GARIN3: variants seen among roughly 807,000 people sequenced by gnomAD.
GARIN3 encodes golgi associated RAB2 interactor family member 3.
the GARIN3 span, chr5:157,162,159 A>T: frequency 2.3e-6 from 1 of 432,032 alleles, no homozygotes; most frequent in Non-Finnish European, 4.1e-6. Flanking sequence ...GGGGAAGCAA[A>T]AGGGATTGAG....
the GARIN3 span, chr5:157,165,993 T>G: frequency 1.2e-5 from 20 of 1,614,104 alleles, no homozygotes; most frequent in Non-Finnish European, 1.6e-5. Flanking sequence ...ATCAATCACC[T>G]CTCCCTTTTT....
the GARIN3 span, chr5:157,165,914 G>C: frequency 1.9e-6 from 3 of 1,614,058 alleles, no homozygotes; most frequent in Non-Finnish European, 2.5e-6. Flanking sequence ...GAACCATGAC[G>C]TCAGGCAGTG....
At chr5:157,163,597 A>G in the GARIN3 span, 1 of 1,614,086 alleles carries the variant, frequency 6.2e-7, no homozygotes. Flanking sequence ...GGCTGCAGAT[A>G]CATCACAAGG....
the GARIN3 span, chr5:157,165,627 C>T: frequency 6.2e-7 from 1 of 1,614,174 alleles, no homozygotes; most frequent in South Asian, 1.1e-5. Flanking sequence ...ACTGCAGTAA[C>T]TCTCTACTGG....
chr5:157,163,248 C>T, the GARIN3 span: 8 of 1,614,170 alleles, frequency 5.0e-6, no homozygotes, highest in Admixed American at 1.7e-5. Flanking sequence ...AGCTAATACC[C>T]TCTGAGGATA....
At chr5:157,163,835 C>T in the GARIN3 span, among the ~76,000 whole-genome samples, 3 of 152,184 alleles carry the variant, frequency 2.0e-5, no homozygotes, top group Admixed American at 6.5e-5. Context: ...GAGGGCAGAT[C>T]GCTTGAGGCC....
chr5:157,162,339 T>C, the GARIN3 span: 1 of 1,456,452 alleles, frequency 6.9e-7, no homozygotes, highest in Non-Finnish European at 9.2e-7. Context: ...GTATTTCTTT[T>C]GGAGTTGTAC....
chr5:157,165,513 T>G, the GARIN3 span: 1 of 1,551,494 alleles, frequency 6.4e-7, no homozygotes, highest in Middle Eastern at 2.2e-4. Context: ...GGCTTTGAAC[T>G]GCTCCCCCAA....
the GARIN3 span, among the ~76,000 whole-genome samples, chr5:157,164,818 T>A: frequency 1.3e-5 from 2 of 151,726 alleles, no homozygotes; most frequent in African/African-American, 4.9e-5. Flanking sequence ...CACAGCACTT[T>A]AGTGGATGAT....
chr5:157,163,304 G>C, the GARIN3 span: 1 of 1,614,066 alleles, frequency 6.2e-7, no homozygotes, highest in African/African-American at 1.3e-5. Context: ...TTTTCTCCTG[G>C]ATTTTTGATA....
the GARIN3 span, chr5:157,162,925 C>A: frequency 4.3e-6 from 7 of 1,614,022 alleles, no homozygotes; most frequent in African/African-American, 2.7e-5. Context: ...ACCTGCCTTG[C>A]GGTGATGAGA....
chr5:157,163,643 T>C, the GARIN3 span: 6 of 1,613,612 alleles, frequency 3.7e-6, no homozygotes, highest in Non-Finnish European at 5.1e-6. Context: ...TCCCCTTCTC[T>C]GTGGAGCTCT....
chr5:157,162,349 C>T, the GARIN3 span: 13 of 1,484,118 alleles, frequency 8.8e-6, no homozygotes, highest in East Asian at 6.8e-5. Context: ...TGGAGTTGTA[C>T]GATTTCCTTT....
chr5:157,164,925 A>C, the GARIN3 span, among the ~76,000 whole-genome samples: 1 of 152,128 alleles, frequency 6.6e-6, no homozygotes, highest in Non-Finnish European at 1.5e-5. Flanking sequence ...AGGCTGAGGC[A>C]GGAGAATCTC....
At chr5:157,162,433 G>A in the GARIN3 span, 57 of 1,609,430 alleles carry the variant, frequency 3.5e-5, no homozygotes, top group Non-Finnish European at 3.4e-5. Flanking sequence ...GGCGGTTGTA[G>A]CCCTGGCTCC....
At chr5:157,165,831 G>A in the GARIN3 span, 2 of 1,614,080 alleles carry the variant, frequency 1.2e-6, no homozygotes, top group Non-Finnish European at 1.7e-6. Flanking sequence ...AGTCTTGACG[G>A]GCCTGCGACC....
chr5:157,163,779 G>GGT, the GARIN3 span: 2 of 1,344,928 alleles, frequency 1.5e-6, no homozygotes, highest in Non-Finnish European at 2.0e-6. Flanking sequence ...ACCTGGGTCG[G>GGT]GTGTGGTGGC....
At chr5:157,162,225 A>G in the GARIN3 span, 1 of 633,556 alleles carries the variant, frequency 1.6e-6, no homozygotes, top group Non-Finnish European at 2.6e-6. Flanking sequence ...GTGGAGCTCT[A>G]CTTGCCTGGA....
the GARIN3 span, among the ~76,000 whole-genome samples, chr5:157,164,973 C>A: frequency 6.6e-6 from 1 of 152,010 alleles, no homozygotes; most frequent in Non-Finnish European, 1.5e-5. Context: ...GAGCCGAGAT[C>A]GTGCCATTGC....
Sources: gnomAD v4.1 joint callset for allele counts (sites outside exome capture counted in the v4.1 genomes callset) on GRCh38, gnomAD v4.1.1 for gene constraint, MANE v1.5 for transcripts, NCBI Gene and HGNC (gene_info 2026-07-23, HGNC 2026-07-21) for gene names.